PRKN: variants seen among roughly 807,000 people sequenced by gnomAD.
PRKN encodes the protein parkin RBR E3 ubiquitin protein ligase.
In PRKN, 56 loss-of-function variants were observed where a neutral mutation model predicts 59.5. The observed-to-expected ratio is 0.94, with a 90% CI of 0.76 to 1.18. PRKN has a LOEUF of 1.18. Among genes scored for constraint, PRKN ranks in the 50% most tolerant of loss-of-function variants. PRKN has a pLI of 0.00. For missense variants in PRKN, 657 were observed against 596.4 expected (o/e 1.10, Z -1.06); for synonymous variants, 250 against 222.1 (o/e 1.13, Z -1.12).
At chr6:161,691,770 G>T (rs1337356576) in intron 7 of PRKN, among the ~76,000 whole-genome samples, 1 of 152,232 alleles carries the variant, frequency 6.6e-6, no homozygotes, top group Non-Finnish European at 1.5e-5. Flanking sequence ...GCTGAAACAA[G>T]AAGGCAGAGC....
At chr6:161,716,918 G>A (rs6925313) in intron 7 of PRKN, among the ~76,000 whole-genome samples, 29,513 of 152,186 alleles carry the variant, frequency 0.19, 5,414 homozygotes, top group African/African-American at 0.48. Context: ...AAGACAAGAT[G>A]AGCCTGGTAA....
At chr6:161,930,991 G>A (rs1779151887) in intron 6 of PRKN, among the ~76,000 whole-genome samples, 1 of 152,196 alleles carries the variant, frequency 6.6e-6, no homozygotes, top group Non-Finnish European at 1.5e-5. Flanking sequence ...TTGATTTTTA[G>A]GACTTCTGAC....
intron 7 of PRKN, among the ~76,000 whole-genome samples, chr6:161,749,303 A>G (rs1184502816): frequency 6.6e-6 from 1 of 152,156 alleles, no homozygotes; most frequent in East Asian, 1.9e-4. Context: ...TGCTGAGTAC[A>G]TATATATACA....
At chr6:161,756,308 C>T (rs1423400357) in intron 7 of PRKN, among the ~76,000 whole-genome samples, 2 of 151,684 alleles carry the variant, frequency 1.3e-5, no homozygotes, top group Non-Finnish European at 2.9e-5. Flanking sequence ...CAGGCATGGT[C>T]GTGCACACCC....
In PRKN at chr6:161,693,570, G is replaced by A. The variant is rs374140095; in HGVS notation, c.871+92202C>T. On this transcript the variant is annotated intron_variant, in intron 7 of 11. Coordinates refer to ENST00000366898, the MANE Select transcript of PRKN (RefSeq NM_004562.3). ...AGGCCATAGCTCTGGGGTTCAAAATGATCCTGAAATAAAGTATTAGAAACC... is the reference window on the plus strand; with the variant it reads ...AGGCCATAGCTCTGGGGTTCAAAATAATCCTGAAATAAAGTATTAGAAACC... Among the ~76,000 whole-genome samples, 5 of 152,260 alleles carry A rather than the reference G, an allele frequency of 3.3e-5. No individual in the cohort carries two copies. In the South Asian group the frequency reaches 6.2e-4, roughly 19 times the overall value.
At chr6:161,481,572 A>G in intron 9 of PRKN, among the ~76,000 whole-genome samples, 1 of 152,274 alleles carries the variant, frequency 6.6e-6, no homozygotes, top group South Asian at 2.1e-4. Flanking sequence ...CCACTGCACT[A>G]GAACCTGGCG....
chr6:161,899,725 T>C (rs565946708), intron 6 of PRKN, among the ~76,000 whole-genome samples: 1 of 152,316 alleles, frequency 6.6e-6, no homozygotes, highest in South Asian at 2.1e-4. Flanking sequence ...ACCAATTATT[T>C]TTCTCCAGTC....
chr6:162,160,890 C>CAAAAAAAAAAAAA (rs56320816), intron 4 of PRKN, among the ~76,000 whole-genome samples: 25 of 80,262 alleles, frequency 3.1e-4, no homozygotes, highest in African/African-American at 1.3e-3. Flanking sequence ...GACTCCGTCT[C>CAAAAAAAAAAAAA]AAAAAAAAAA....
intron 1 of PRKN, among the ~76,000 whole-genome samples, chr6:162,649,665 A>G (rs1253922341): frequency 6.6e-6 from 1 of 152,196 alleles, no homozygotes; most frequent in African/African-American, 2.4e-5. Flanking sequence ...TCTCAAAAAA[A>G]AAAAAGTATT....
chr6:161,908,619 C>A (rs1324365066), intron 6 of PRKN, among the ~76,000 whole-genome samples: 1 of 151,518 alleles, frequency 6.6e-6, no homozygotes. Context: ...AATTTAAAAT[C>A]CAGATTGGTA....
intron 1 of PRKN, among the ~76,000 whole-genome samples, chr6:162,601,683 C>T (rs192922718): frequency 3.3e-5 from 5 of 152,030 alleles, no homozygotes; most frequent in Admixed American, 2.0e-4. Flanking sequence ...ATGAGCAGTA[C>T]ATTTTTATAT....
chr6:162,693,783 G>A (rs1326605944), intron 1 of PRKN, among the ~76,000 whole-genome samples: 1 of 152,162 alleles, frequency 6.6e-6, no homozygotes, highest in African/African-American at 2.4e-5. Context: ...GGTACATAGT[G>A]ACTAAAATAA....
chr6:162,513,019 C>T (rs1777697328), intron 1 of PRKN, among the ~76,000 whole-genome samples: 1 of 152,050 alleles, frequency 6.6e-6, no homozygotes, highest in Admixed American at 6.6e-5. Flanking sequence ...TCATATAGAG[C>T]ACAGTAGCAC....
At chr6:162,396,053 G>A (rs1004839980) in intron 2 of PRKN, among the ~76,000 whole-genome samples, 4 of 152,144 alleles carry the variant, frequency 2.6e-5, no homozygotes, top group Admixed American at 6.5e-5. Flanking sequence ...TAGACAAAGC[G>A]AATCGAATCA....
At chr6:162,200,408 T>G (rs566625337) in intron 4 of PRKN, among the ~76,000 whole-genome samples, 1 of 152,300 alleles carries the variant, frequency 6.6e-6, no homozygotes, top group South Asian at 2.1e-4. Flanking sequence ...CACTCTGCAC[T>G]TAAAGCAGGA....
intron 4 of PRKN, among the ~76,000 whole-genome samples, chr6:162,103,549 G>A (rs557682667): frequency 1.3e-5 from 2 of 151,962 alleles, no homozygotes; most frequent in East Asian, 3.9e-4. Context: ...TCTCTAACTT[G>A]ATAAGGGCAA....
chr6:161,730,537 G>C (rs1175137144), intron 7 of PRKN, among the ~76,000 whole-genome samples: 2 of 150,750 alleles, frequency 1.3e-5, no homozygotes, highest in Non-Finnish European at 2.9e-5. Context: ...CATTCTTTCT[G>C]ATGTGTTGCA....
chr6:161,655,885 TACACACACACACACACACAC>T (rs376047879), intron 7 of PRKN, among the ~76,000 whole-genome samples: 1 of 56,868 alleles, frequency 1.8e-5, no homozygotes, highest in East Asian at 4.4e-4. Context: ...CACACACACA[TACACACACACACACACACAC>T]ACACACACAC....
intron 6 of PRKN, among the ~76,000 whole-genome samples, chr6:161,967,687 C>T (rs1562425282): frequency 6.6e-6 from 1 of 152,212 alleles, no homozygotes; most frequent in African/African-American, 2.4e-5. Context: ...TCATCAAGGT[C>T]TATTATTCCA....
Sources: allele counts gnomAD v4.1 joint callset (sites outside exome capture counted in the v4.1 genomes callset), GRCh38; gene constraint gnomAD v4.1.1; transcripts MANE v1.5; gene names NCBI Gene and HGNC (gene_info 2026-07-23, HGNC 2026-07-21).